Variants in ZNF891 observed in about 807,000 individuals in gnomAD.
ZNF891 encodes zinc finger protein 891.
For missense variants in ZNF891, 589 were observed against 632.7 expected, an observed-to-expected ratio of 0.93 and a Z score of 0.74; for synonymous variants, 199 against 209.0, an observed-to-expected ratio of 0.95 and a Z score of 0.41.
Position 133,106,518 on chromosome 12 carries a change from T to A in ZNF891, c.*13766A>T. ...ACTCATACTGGAGAGAAACCCTATG[T>A]ATGTAAGGTATGCAACAAATCCTTC... On this transcript the variant is annotated 3_prime_UTR_variant, in exon 2 of 2. Coordinates refer to ENST00000537226, the MANE Select transcript of ZNF891 (RefSeq NM_001277291.2). The A allele has an allele frequency of 6.2e-7, 1 of 1,614,076 alleles. No individual in the cohort carries two copies. Among genetic ancestry groups the A allele is most frequent in the African/African-American group, 1.3e-5 (1 of 75,050 alleles).
intron 1 of ZNF891, among the ~76,000 whole-genome samples, chr12:133,123,160 G>A (rs1228289994): frequency 2.0e-5 from 3 of 152,148 alleles, no homozygotes; most frequent in African/African-American, 7.2e-5. Flanking sequence ...TTATAGAACT[G>A]ACATTTTTAT....
At chr12:133,126,423 G>A (rs1275181360) in intron 1 of ZNF891, among the ~76,000 whole-genome samples, 1 of 147,502 alleles carries the variant, frequency 6.8e-6, no homozygotes, top group African/African-American at 2.5e-5. Flanking sequence ...GCAGTGAGCC[G>A]AGGTCGTACC....
chr12:133,106,521 G>A lies in ZNF891; in HGVS notation c.*13763C>T. The A allele has an allele frequency of 1.2e-6, 2 of 1,614,026 alleles. No individual in the cohort carries two copies. Among genetic ancestry groups the A allele is most frequent in the East Asian group, 2.2e-5 (1 of 44,880 alleles). On this transcript the variant is annotated 3_prime_UTR_variant, in exon 2 of 2. Transcript: ENST00000537226. Reference sequence around the variant, plus strand: ...CATACTGGAGAGAAACCCTATGTATGTAAGGTATGCAACAAATCCTTCAGC... The same window carrying A: ...CATACTGGAGAGAAACCCTATGTATATAAGGTATGCAACAAATCCTTCAGC...
Position 133,111,704 on chromosome 12 carries a change from T to C in ZNF891, c.*8580A>G, listed in dbSNP as rs976095791. ...TGTATTTGACATGCATTTCTTAAGT[T>C]AGAGGTGAATTTAAGTCATGACATG... On this transcript the variant is annotated 3_prime_UTR_variant, in exon 2 of 2. Transcript: ENST00000537226. The C allele has an allele frequency of 1.3e-5, 2 of 152,178 alleles. No homozygotes were observed. The highest frequency in any genetic ancestry group is 4.8e-5 in the African/African-American group (2 of 41,438). The allele number at this position is 152,178 out of a possible 1,614,324, so 9.4% of individuals were successfully genotyped here.
At position 133,120,125 on chromosome 12, in the gene ZNF891, T is replaced by C. The variant is rs1955740296; in HGVS notation, c.*159A>G. On this transcript the variant is annotated 3_prime_UTR_variant, in exon 2 of 2. Transcript: ENST00000537226. ...AAAAATACCTAATTCTAAACAGCCA[T>C]GGATCAAAAAAAGTCATAATTAGTA... 1.9e-6 allele frequency: 1 copy of C among 540,456 alleles called. No individual in the cohort carries two copies. The highest frequency in any genetic ancestry group is 3.1e-6 in the Non-Finnish European group (1 of 318,096). The allele number at this position is 540,456 out of a possible 1,614,324, so 33.5% of individuals were successfully genotyped here. A position where few individuals can be genotyped will look rare whatever the true frequency, so the allele number is the denominator to read the frequency against.
rs1445152387 is a variant in ZNF891, at chr12:133,113,438, A to G, written c.*6846T>C. 1 of 152,144 alleles carries G rather than the reference A, an allele frequency of 6.6e-6. No homozygotes were observed. Among genetic ancestry groups the G allele is most frequent in the African/African-American group, 2.4e-5 (1 of 41,436 alleles). The allele number at this position is 152,144 out of a possible 1,614,324, so 9.4% of individuals were successfully genotyped here. A position where few individuals can be genotyped will look rare whatever the true frequency, so the allele number is the denominator to read the frequency against. ...ATAACATGCATTAAAAAGTCATACC[A>G]TATTTTGTGACTGTTTAAAATTCAT... On this transcript the variant is annotated 3_prime_UTR_variant, in exon 2 of 2. Transcript: ENST00000537226.
rs1158131120 is a variant in ZNF891 at position 133,105,515 on chromosome 12, G to A, written c.*14769C>T. 1.3e-6 allele frequency: 2 copies of A among 1,583,222 alleles called. No individual in the cohort carries two copies. The highest frequency in any genetic ancestry group is 1.2e-5 in the South Asian group (1 of 86,038). ...TTTTTTTTGGTATCTTTCAGTTTCA[G>A]AGTCAAGTGGTGAGATCAAAGACTT... On this transcript the variant is annotated 3_prime_UTR_variant, in exon 2 of 2. Transcript: ENST00000537226.
Position 133,120,450 on chromosome 12 carries a change from C to T in ZNF891, c.1469G>A (p.Cys490Tyr), listed in dbSNP as rs1955744092. Residue 490 changes from cysteine (C) to tyrosine (Y), a missense_variant, in exon 2 of 2, where the codon TGT becomes TAT. Cys to Tyr is a radical substitution (Grantham distance 194). Transcript: ENST00000537226. Reference sequence around the variant, plus strand: ...ACTGAAGGCTTTCCTACATTCCTTACATTCATAGGGTTTCTCTCCAGTGTG... The same window carrying T: ...ACTGAAGGCTTTCCTACATTCCTTATATTCATAGGGTTTCTCTCCAGTGTG... ...RTHTGEKPYE[C>Y]KECRKAFSVS... 3 of 1,605,296 alleles carry T rather than the reference C, an allele frequency of 1.9e-6. No individual in the cohort carries two copies. Among genetic ancestry groups the T allele is most frequent in the Non-Finnish European group, 1.7e-6 (2 of 1,176,320 alleles).
chr12:133,123,502 C>A (rs1459137859), intron 1 of ZNF891, among the ~76,000 whole-genome samples: 14 of 152,094 alleles, frequency 9.2e-5, no homozygotes, highest in Admixed American at 9.2e-4. Context: ...ACGCGGAGGA[C>A]TGCTACCAGA....
Position 133,106,637 on chromosome 12 carries a change from A to T in ZNF891, c.*13647T>A. Reference sequence around the variant, plus strand: ...TTCATTTAATTACCACTCATTCCTTACTGAACACCAGTGAATTTACACTGC... The same window carrying T: ...TTCATTTAATTACCACTCATTCCTTTCTGAACACCAGTGAATTTACACTGC... On this transcript the variant is annotated 3_prime_UTR_variant, in exon 2 of 2. Transcript: ENST00000537226. The T allele has an allele frequency of 1.3e-6, 2 of 1,586,068 alleles. No homozygotes were observed. The highest frequency in any genetic ancestry group is 1.7e-4 in the Middle Eastern group (1 of 5,926).
intron 1 of ZNF891, chr12:133,122,371 T>C (rs1022887327): frequency 1.3e-4 from 41 of 309,976 alleles, no homozygotes; most frequent in Admixed American, 6.4e-5. Context: ...TTTTTTAACT[T>C]TTGGGGACAG....
rs1288526743 is a variant in ZNF891 at position 133,105,878 on chromosome 12, A to T, written c.*14406T>A. The T allele has an allele frequency of 1.2e-6, 2 of 1,614,150 alleles. No homozygotes were observed. The highest frequency in any genetic ancestry group is 1.7e-6 in the Non-Finnish European group (2 of 1,180,022). ...GGAATGTGGCAAAACCTTTAGCCAG[A>T]TTTCAAACCTTGTGAAACACCAAAT... On this transcript the variant is annotated 3_prime_UTR_variant, in exon 2 of 2. Coordinates refer to ENST00000537226, the MANE Select transcript of ZNF891 (RefSeq NM_001277291.2).
chr12:133,129,956 C>T (rs1202055948), intron 1 of ZNF891, among the ~76,000 whole-genome samples: 2 of 152,180 alleles, frequency 1.3e-5, no homozygotes, highest in Non-Finnish European at 2.9e-5. Flanking sequence ...GCATCCCCGG[C>T]CCCCCAGCGC....
At chr12:133,124,080 C>G (rs921881158) in intron 1 of ZNF891, among the ~76,000 whole-genome samples, 5 of 151,910 alleles carry the variant, frequency 3.3e-5, no homozygotes, top group Non-Finnish European at 7.4e-5. Context: ...AATGCCTTAC[C>G]CTATTATGTT....
At chr12:133,123,726 A>C (rs1955786357) in intron 1 of ZNF891, among the ~76,000 whole-genome samples, 1 of 142,634 alleles carries the variant, frequency 7.0e-6, no homozygotes, top group African/African-American at 2.6e-5. Context: ...AAAAAACAAA[A>C]ACACACACAA....
chr12:133,106,147 C>T lies in ZNF891; in HGVS notation c.*14137G>A. ...TTAGCAGTGGCTCAGAACTCATTCGCCACCAGATTACACATACTGGAGAGA... is the reference window on the plus strand; with the variant it reads ...TTAGCAGTGGCTCAGAACTCATTCGTCACCAGATTACACATACTGGAGAGA... On this transcript the variant is annotated 3_prime_UTR_variant, in exon 2 of 2. Coordinates refer to ENST00000537226, the MANE Select transcript of ZNF891 (RefSeq NM_001277291.2). 2 of 1,613,956 alleles carry T rather than the reference C, an allele frequency of 1.2e-6. No individual in the cohort carries two copies. The highest frequency in any genetic ancestry group is 1.7e-6 in the Non-Finnish European group (2 of 1,179,992).
chr12:133,114,178 G>GT lies in ZNF891; in HGVS notation c.*6105dup, dbSNP rs1403410752. On this transcript the variant is annotated 3_prime_UTR_variant, in exon 2 of 2. Transcript: ENST00000537226. ...AAAATAAGTCTGTGTAGTGAATGGG[G>GT]TGGTGGTGAGTGGGATGAGGGAAGA... is the stretch of plus-strand genomic sequence containing the variant. 1 of 152,256 alleles carries GT rather than the reference G, an allele frequency of 6.6e-6. No individual in the cohort carries two copies. Among genetic ancestry groups the GT allele is most frequent in the African/African-American group, 2.4e-5 (1 of 41,454 alleles). The allele number at this position is 152,256 out of a possible 1,614,324, so 9.4% of individuals were successfully genotyped here.
At position 133,120,570 on chromosome 12, in the gene ZNF891, T is replaced by G; in HGVS notation, c.1349A>C (p.His450Pro). The change falls in exon 2 of 2, where the codon CAT becomes CCT. Residue 450 changes from histidine to proline, a missense_variant. By Grantham distance (77) the His-to-Pro change is moderately conservative. Transcript: ENST00000537226. ...AFNTSSHLKV[H>P]KKIHTGENVY... ...ATTCTCTCCGGTATGAATTTTCTTA[T>G]GAACTTTAAGGTGAGAGCTCGTGTT... 6.4e-7 allele frequency: 1 copy of G among 1,559,806 alleles called. No individual in the cohort carries two copies. Among genetic ancestry groups the G allele is most frequent in the African/African-American group, 1.4e-5 (1 of 73,442 alleles).
At position 133,120,973 on chromosome 12, in the gene ZNF891, T is replaced by C; in HGVS notation, c.946A>G (p.Thr316Ala). 3 of 1,535,804 alleles carry C rather than the reference T, an allele frequency of 2.0e-6. No homozygotes were observed. Among genetic ancestry groups the C allele is most frequent in the Non-Finnish European group, 2.6e-6 (3 of 1,146,838 alleles). The change falls in exon 2 of 2, where the codon ACT (threonine) becomes GCT (alanine). Residue 316 changes from threonine (T) to alanine (A), a missense_variant. Transcript: ENST00000537226. ...SSLKKQGQTH[T>A]EKKHECNQCG... is the part of the protein sequence containing the mutation. The stretch of plus-strand genomic sequence containing the variant: ...TGATTGCATTCATGTTTCTTTTCAG[T>C]ATGAGTTTGTCCTTGTTTCTTAAGG...
Sources: gnomAD v4.1 joint callset for allele counts (sites outside exome capture counted in the v4.1 genomes callset) on GRCh38, gnomAD v4.1.1 for gene constraint, MANE v1.5 for transcripts, NCBI Gene and HGNC (gene_info 2026-07-23, HGNC 2026-07-21) for gene names.